RAB38: variants seen among roughly 807,000 people sequenced by gnomAD.
RAB38 encodes RAB38, member RAS oncogene family.
RAB38 carries 15 observed loss-of-function variants against 18.4 expected under a neutral mutation model. That is an observed-to-expected ratio of 0.82 (90% CI 0.55 to 1.26). The LOEUF is 1.26. Ranked by LOEUF, RAB38 falls within the 50% of genes most tolerant of loss-of-function variation. The pLI, the probability that RAB38 is intolerant of heterozygous loss-of-function variation, is 0.00. For synonymous variants in RAB38, 101 were observed against 104.4 expected (o/e 0.97, Z 0.20); for missense variants, 294 against 267.4 (o/e 1.10, Z -0.69).
chr11:87,815,118 A>G, the RAB38 span: 6 of 152,208 alleles, frequency 3.9e-5, no homozygotes, highest in Non-Finnish European at 8.8e-5. Flanking sequence ...TCTGTCAAAT[A>G]GTAACAAAAG....
Position 88,162,483 on chromosome 11 carries a change from AGTTATTT to A in RAB38, c.203-12535_203-12529del, listed in dbSNP as rs1238859936. On this transcript the variant is annotated intron_variant, in intron 1 of 2. Coordinates refer to ENST00000243662, the MANE Select transcript of RAB38 (RefSeq NM_022337.3). Reference sequence around the variant, plus strand: ...CTCCCAGTGGATTTGCAGGCTTATTAGTTATTTAAGAGTTTTCTGTCATGTCTGGTCT... The same window carrying A: ...CTCCCAGTGGATTTGCAGGCTTATTAAAGAGTTTTCTGTCATGTCTGGTCT... 3.3e-5 allele frequency among the ~76,000 whole-genome samples: 5 copies of A among 152,042 alleles called. 1 individual carries two copies. The highest frequency in any genetic ancestry group is 1.2e-4 in the African/African-American group (5 of 41,418).
the RAB38 span, among the ~76,000 whole-genome samples, chr11:87,820,098 G>A: frequency 1.2e-3 from 185 of 152,208 alleles, 1 homozygote; most frequent in African/African-American, 4.3e-3. Flanking sequence ...CTCAGATCAG[G>A]CACTGATAAA....
the RAB38 span, among the ~76,000 whole-genome samples, chr11:88,054,520 T>C: frequency 6.6e-6 from 1 of 152,242 alleles, no homozygotes; most frequent in African/African-American, 2.4e-5. Flanking sequence ...GAGAACTGTA[T>C]AGCTGATTCA....
At chr11:87,972,088 T>G in the RAB38 span, among the ~76,000 whole-genome samples, 2 of 151,992 alleles carry the variant, frequency 1.3e-5, no homozygotes, top group Non-Finnish European at 2.9e-5. Flanking sequence ...ACGATTCACC[T>G]CTCTGCATTA....
the RAB38 span, among the ~76,000 whole-genome samples, chr11:87,894,836 G>T: frequency 6.6e-6 from 1 of 151,058 alleles, no homozygotes; most frequent in Non-Finnish European, 1.5e-5. Context: ...ATGACATGAG[G>T]TGATAATATA....
chr11:88,019,737 A>G, the RAB38 span, among the ~76,000 whole-genome samples: 1 of 152,160 alleles, frequency 6.6e-6, no homozygotes, highest in Non-Finnish European at 1.5e-5. Flanking sequence ...CTCTACTAAG[A>G]TGATATTTAA....
the RAB38 span, among the ~76,000 whole-genome samples, chr11:88,067,315 A>G: frequency 6.6e-6 from 1 of 151,468 alleles, no homozygotes; most frequent in Non-Finnish European, 1.5e-5. Flanking sequence ...TAATACTCTA[A>G]GATATTTTTA....
At chr11:88,034,299 G>T in the RAB38 span, among the ~76,000 whole-genome samples, 1 of 152,148 alleles carries the variant, frequency 6.6e-6, no homozygotes. Context: ...GTTATTACAC[G>T]TAAGTGTTAT....
chr11:88,175,097 T>G, intron 1 of RAB38, 86 bp downstream of exon 1: 1 of 1,398,134 alleles, frequency 7.2e-7, no homozygotes, highest in Non-Finnish European at 9.5e-7. Context: ...GATTTTAATC[T>G]CACGCTTGGC....
the RAB38 span, among the ~76,000 whole-genome samples, chr11:87,850,815 T>C: frequency 6.6e-6 from 1 of 152,134 alleles, no homozygotes; most frequent in African/African-American, 2.4e-5. Context: ...AGAAGTTCTT[T>C]ATATTTAATC....
the RAB38 span, among the ~76,000 whole-genome samples, chr11:88,038,514 G>A: frequency 6.6e-6 from 1 of 152,098 alleles, no homozygotes; most frequent in African/African-American, 2.4e-5. Context: ...ACTAGACTGA[G>A]TTCTTTAATG....
the RAB38 span, among the ~76,000 whole-genome samples, chr11:88,053,331 CAT>C: frequency 9.1e-6 from 1 of 109,722 alleles, no homozygotes; most frequent in Non-Finnish European, 1.8e-5. Context: ...TATACACACA[CAT>C]ATATATGGAA....
intron 2 of RAB38, among the ~76,000 whole-genome samples, chr11:88,148,339 T>C (rs1340622270): frequency 2.0e-5 from 3 of 152,174 alleles, no homozygotes; most frequent in Non-Finnish European, 4.4e-5. Flanking sequence ...CTCCATCAAC[T>C]CCAATCCAAG....
the RAB38 span, among the ~76,000 whole-genome samples, chr11:87,833,708 G>T: frequency 8.1e-4 from 123 of 152,286 alleles, no homozygotes; most frequent in African/African-American, 2.2e-3. Context: ...CTAAATGATA[G>T]CTAACAGGTA....
the RAB38 span, among the ~76,000 whole-genome samples, chr11:87,845,179 T>C: frequency 6.6e-6 from 1 of 152,140 alleles, no homozygotes; most frequent in Non-Finnish European, 1.5e-5. Context: ...CAAAATTACT[T>C]GACATACAAA....
the RAB38 span, among the ~76,000 whole-genome samples, chr11:88,075,747 G>T: frequency 2.0e-5 from 3 of 152,066 alleles, no homozygotes; most frequent in Admixed American, 1.3e-4. Context: ...CAGGCATGGT[G>T]GTGCATGCCT....
the RAB38 span, among the ~76,000 whole-genome samples, chr11:88,003,989 A>G: frequency 6.2e-5 from 8 of 130,048 alleles, no homozygotes; most frequent in East Asian, 4.3e-4. Context: ...GCATATAGGT[A>G]TATATATATA....
chr11:88,004,371 A>C, the RAB38 span, among the ~76,000 whole-genome samples: 52 of 151,258 alleles, frequency 3.4e-4, no homozygotes, highest in Non-Finnish European at 6.8e-4. Flanking sequence ...ACAATAACAA[A>C]ATCAAGAGCA....
chr11:88,112,022 A>C (rs1031759159), downstream of RAB38, among the ~76,000 whole-genome samples: 21 of 152,262 alleles, frequency 1.4e-4, no homozygotes, highest in African/African-American at 5.1e-4. Context: ...ATAGCATATT[A>C]GAATCAATGC....
Sources: allele counts gnomAD v4.1 joint callset (sites outside exome capture counted in the v4.1 genomes callset), GRCh38; gene constraint gnomAD v4.1.1; transcripts MANE v1.5; gene names NCBI Gene and HGNC (gene_info 2026-07-23, HGNC 2026-07-21).